The following TRIML2 variants were observed in gnomAD, a reference collection of about 807,000 sequenced individuals.
The protein encoded by TRIML2 is tripartite motif family like 2.
In TRIML2, 28 loss-of-function variants were observed where a neutral mutation model predicts 31.2. That is an observed-to-expected ratio of 0.90 (90% CI 0.66 to 1.23). TRIML2 has a LOEUF of 1.23. Ranked by LOEUF, TRIML2 falls within the 50% of genes most tolerant of loss-of-function variation. The pLI, the probability that TRIML2 is intolerant of heterozygous loss-of-function variation, is 0.00. For synonymous variants in TRIML2, 187 were observed against 197.5 expected, an observed-to-expected ratio of 0.95 and a Z score of 0.45; for missense variants, 536 against 528.3, an observed-to-expected ratio of 1.01 and a Z score of -0.14.
intron 7 of TRIML2, among the ~76,000 whole-genome samples, chr4:188,092,314 T>C (rs1190607417): frequency 6.6e-6 from 1 of 151,858 alleles, no homozygotes; most frequent in South Asian, 2.1e-4. Flanking sequence ...ATACAAAAAG[T>C]AGCCGAGTGT....
intron 4 of TRIML2, 62 bp downstream of exon 4, chr4:188,100,994 T>A: frequency 7.5e-6 from 11 of 1,459,536 alleles, no homozygotes; most frequent in East Asian, 2.3e-5. Context: ...GGAATTGACA[T>A]AATGTTTAGC....
chr4:188,100,493 C>T (rs12498393), intron 4 of TRIML2, among the ~76,000 whole-genome samples: 12,337 of 152,052 alleles, frequency 0.081, 1,087 homozygotes, highest in East Asian at 0.51. Context: ...GAGGCTGAGG[C>T]GGGTGGATCA....
rs1273868730 is a variant in TRIML2 at position 188,095,642 on chromosome 4, G to A, written c.745+1419C>T. ...AGAATACAGAGTAACTGAATCTTTC[G>A]CACGTTATTGGTGGGAAGGCAAAAT... On this transcript the variant is annotated intron_variant, in intron 7 of 7. Coordinates refer to ENST00000682553, the MANE Select transcript of TRIML2 (RefSeq NM_173553.4). Among the ~76,000 whole-genome samples the A allele has an allele frequency of 4.0e-5, 6 of 151,772 alleles. No homozygotes were observed. In the South Asian group the frequency reaches 6.2e-4, roughly 16 times the overall value.
At chr4:188,104,975 G>A (rs371016184) in intron 2 of TRIML2, 43 bp from the exon 3 acceptor site, 16 of 1,556,964 alleles carry the variant, frequency 1.0e-5, no homozygotes, top group African/African-American at 1.4e-5. Context: ...CATTGATTTA[G>A]AACAGTTGGA....
At chr4:188,098,297 C>T (rs1004337029) in intron 5 of TRIML2, 24 of 450,424 alleles carry the variant, frequency 5.3e-5, no homozygotes, top group Admixed American at 2.4e-4. Flanking sequence ...ATTCAGTGTC[C>T]GGTGAGGGCT....
chr4:188,098,108 A>G (rs1233743207), intron 5 of TRIML2: 1 of 279,410 alleles, frequency 3.6e-6, no homozygotes, highest in East Asian at 1.0e-4. Flanking sequence ...AGATAGAGCG[A>G]GACTCCGTCT....
intron 7 of TRIML2, chr4:188,092,639 G>C (rs540309527): frequency 9.4e-5 from 34 of 361,016 alleles, no homozygotes; most frequent in Non-Finnish European, 1.5e-4. Context: ...TGGCCCTCCC[G>C]ATGCCGTACT....
intron 4 of TRIML2, 48 bp from the exon 5 acceptor site, chr4:188,099,223 A>G: frequency 6.5e-7 from 1 of 1,547,900 alleles, no homozygotes; most frequent in African/African-American, 1.4e-5. Context: ...AAGTTCAGGA[A>G]CAAGAGTTCG....
At chr4:188,096,013 T>C (rs1733491151) in intron 7 of TRIML2, among the ~76,000 whole-genome samples, 1 of 152,190 alleles carries the variant, frequency 6.6e-6, no homozygotes, top group African/African-American at 2.4e-5. Flanking sequence ...ATATAAACCC[T>C]TTGTTATACA....
chr4:188,098,228 A>G (rs1490251484), intron 5 of TRIML2: 3 of 455,364 alleles, frequency 6.6e-6, no homozygotes, highest in Non-Finnish European at 1.3e-5. Flanking sequence ...GCTTCTGCAC[A>G]GCAGAAATTC....
intron 7 of TRIML2, among the ~76,000 whole-genome samples, chr4:188,094,114 A>G (rs1351948577): frequency 6.8e-6 from 1 of 146,772 alleles, no homozygotes; most frequent in African/African-American, 2.6e-5. Flanking sequence ...AAAAACAAAA[A>G]CAAAAACAAA....
At chr4:188,093,099 C>T (rs937991337) in intron 7 of TRIML2, 13 of 339,016 alleles carry the variant, frequency 3.8e-5, no homozygotes, top group African/African-American at 2.8e-4. Context: ...CAGCCCTCTG[C>T]AGTCTCTACT....
chr4:188,103,631 C>A (rs11725201), intron 3 of TRIML2, among the ~76,000 whole-genome samples: 77,774 of 151,970 alleles, frequency 0.51, 21,038 homozygotes, highest in East Asian at 0.7. Flanking sequence ...ACTTTATTTA[C>A]AAGCTCACTC....
intron 1 of TRIML2, among the ~76,000 whole-genome samples, chr4:188,108,063 G>C (rs1734114177): frequency 6.6e-6 from 1 of 152,058 alleles, no homozygotes; most frequent in Non-Finnish European, 1.5e-5. Context: ...CTTCTTCCTA[G>C]AATGTTTTCT....
At chr4:188,092,207 T>C (rs1463918058) in intron 7 of TRIML2, among the ~76,000 whole-genome samples, 1 of 152,092 alleles carries the variant, frequency 6.6e-6, no homozygotes, top group Non-Finnish European at 1.5e-5. Flanking sequence ...AAGGAAGGTT[T>C]AGAAACACCT....
In TRIML2 at chr4:188,108,743, T is replaced by C. The variant is rs182764859; in HGVS notation, c.-223+500A>G. On this transcript the variant is annotated intron_variant, in intron 1 of 7. Transcript: ENST00000682553. ...GCAATTCCAGCTGCCTCTTCTTTCT[T>C]CTCTTCAGTTCTCAGCTCAAATGTC... Among the ~76,000 whole-genome samples the C allele has an allele frequency of 1.1e-3, 172 of 152,318 alleles. 1 individual carries two copies. Among genetic ancestry groups the C allele is most frequent in the Non-Finnish European group, 1.3e-3 (86 of 68,036 alleles).
At chr4:188,103,015 T>G (rs1255606235) in intron 3 of TRIML2, among the ~76,000 whole-genome samples, 4 of 136,850 alleles carry the variant, frequency 2.9e-5, no homozygotes, top group African/African-American at 2.7e-5. Flanking sequence ...GTTTTTTTTT[T>G]TTTTTTTTTT....
rs550238111 is a variant in TRIML2, at chr4:188,098,993, A to G, written c.621+42T>C. The G allele has an allele frequency of 1.4e-5, 23 of 1,610,868 alleles. No individual in the cohort carries two copies. The South Asian group carries it at 2.4e-4, about 17-fold the overall frequency. ...AGTACTGTCCACTTCTCATTTCTCA[A>G]ATACTGGAATGAATTTTATTTTCTT... is the stretch of plus-strand genomic sequence containing the variant. On this transcript the variant is annotated intron_variant, in intron 5 of 7. Coordinates refer to ENST00000682553, the MANE Select transcript of TRIML2 (RefSeq NM_173553.4).
At chr4:188,103,671 T>C (rs1286231801) in intron 3 of TRIML2, among the ~76,000 whole-genome samples, 1 of 152,170 alleles carries the variant, frequency 6.6e-6, no homozygotes, top group Non-Finnish European at 1.5e-5. Context: ...TAAAAAAAAT[T>C]TTTTTAAACA....
Sources: gnomAD v4.1 joint callset for allele counts (sites outside exome capture counted in the v4.1 genomes callset) on GRCh38, gnomAD v4.1.1 for gene constraint, MANE v1.5 for transcripts, NCBI Gene and HGNC (gene_info 2026-07-23, HGNC 2026-07-21) for gene names.